Variants in PRKDC observed in about 807,000 individuals in gnomAD.
PRKDC encodes DNA-dependent protein kinase catalytic subunit.
In PRKDC, 82 loss-of-function variants were observed where a neutral mutation model predicts 486.9. That is an observed-to-expected ratio of 0.17 (90% confidence interval 0.14 to 0.20). The LOEUF (loss-of-function observed/expected upper bound fraction) is 0.20. Among genes scored for constraint, PRKDC ranks in the 10% least tolerant of loss-of-function variants. PRKDC has a pLI of 1.00. For missense variants in PRKDC, 4,504 were observed against 5,038.2 expected, an observed-to-expected ratio of 0.89 and a Z score of 3.21; for synonymous variants, 1,895 against 1,837.0, an observed-to-expected ratio of 1.03 and a Z score of -0.81.
intron 44 of PRKDC, among the ~76,000 whole-genome samples, chr8:47,861,320 T>C (rs2088672093): frequency 6.6e-6 from 1 of 152,238 alleles, no homozygotes; most frequent in South Asian, 2.1e-4. Context: ...ATCATAGTGC[T>C]TGTAATTGTT....
Position 47,943,358 on chromosome 8 carries a change from G to A in PRKDC, c.817C>T (p.Arg273Cys), listed in dbSNP as rs760500928. 1.9e-6 allele frequency: 3 copies of A among 1,599,942 alleles called. No individual in the cohort carries two copies. The highest frequency in any genetic ancestry group is 1.8e-5 in the Admixed American group (1 of 56,474). The change falls in exon 10 of 86, where the codon CGC becomes TGC. Residue 273 changes from arginine (R) to cysteine (C), a missense_variant. Physicochemically the swap from Arg to Cys is radical, Grantham distance 180. This residue lies in a region of PRKDC where 1,969 missense variants were observed against 2,068.9 expected (regional missense o/e 0.95). Coordinates refer to ENST00000314191, the MANE Select transcript of PRKDC (RefSeq NM_006904.7). The stretch of plus-strand genomic sequence containing the variant: ...TGAGATGCATGCAGGGCAAATAGGC[G>A]CAAGCCAGCTGCAAATGCAAATGCC... ...KRYAVPSAGL[R>C]LFALHASQFS...
intron 56 of PRKDC, among the ~76,000 whole-genome samples, chr8:47,838,033 G>A (rs1272588816): frequency 1.3e-5 from 2 of 152,144 alleles, no homozygotes; most frequent in Non-Finnish European, 2.9e-5. Context: ...CTACTCGGGA[G>A]GCTGAGGCAG....
chr8:47,782,288 C>T lies in PRKDC; in HGVS notation c.11397-34G>A, dbSNP rs1206299241. On this transcript the variant is annotated intron_variant, in intron 79 of 85. Coordinates refer to ENST00000314191, the MANE Select transcript of PRKDC (RefSeq NM_006904.7). The surrounding 1 kb of genome is among the most constrained non-coding windows in gnomAD (Gnocchi z 4.9). ...GAGAATAAAAGGTTAACGAGTAAAC[C>T]CAAACTGCTCTTTCTTCACTAGAAA... The T allele has an allele frequency of 6.2e-7, 1 of 1,611,784 alleles. No homozygotes were observed.
At chr8:47,775,328 T>G (rs1293096636) in intron 85 of PRKDC, among the ~76,000 whole-genome samples, 3 of 151,864 alleles carry the variant, frequency 2.0e-5, no homozygotes, top group Non-Finnish European at 4.4e-5. Flanking sequence ...ATTTGTATAT[T>G]TTCATTAAAG....
Position 47,782,320 on chromosome 8 carries a change from C to A in PRKDC, c.11396+58G>T. 1 of 1,610,870 alleles carries A rather than the reference C, an allele frequency of 6.2e-7. No individual in the cohort carries two copies. The highest frequency in any genetic ancestry group is 8.5e-7 in the Non-Finnish European group (1 of 1,177,682). The stretch of plus-strand genomic sequence containing the variant: ...GCTCTTTCTTCACTAGAAAAACAGT[C>A]CCGTGGACGCCAAGCAATATGCAGC... On this transcript the variant is annotated intron_variant, in intron 79 of 85. Coordinates refer to ENST00000314191, the MANE Select transcript of PRKDC (RefSeq NM_006904.7). This position sits in a 1 kb window ranked among gnomAD's most constrained non-coding sequence, Gnocchi z 4.9.
At chr8:47,862,917 A>C (rs1045874020) in intron 42 of PRKDC, among the ~76,000 whole-genome samples, 2 of 152,246 alleles carry the variant, frequency 1.3e-5, no homozygotes, top group African/African-American at 2.4e-5. Context: ...TGGTGATGCA[A>C]AATGTGATAC....
chr8:47,927,172 T>A, intron 21 of PRKDC, 22 bp downstream of exon 21: 1 of 1,606,858 alleles, frequency 6.2e-7, no homozygotes, highest in Non-Finnish European at 8.5e-7. Flanking sequence ...ACAATACACA[T>A]CACAATTCTT....
intron 78 of PRKDC, 122 bp downstream of exon 78, chr8:47,783,620 C>A: frequency 1.0e-6 from 1 of 958,280 alleles, no homozygotes; most frequent in East Asian, 2.6e-5. Context: ...AGTAAATATG[C>A]TAAACTTGAT....
chr8:47,826,658 A>G lies in PRKDC; in HGVS notation c.8781T>C (p.Ala2927=). 6.2e-7 allele frequency: 1 copy of G among 1,606,776 alleles called. No homozygotes were observed. The highest frequency in any genetic ancestry group is 8.5e-7 in the Non-Finnish European group (1 of 1,175,206). The part of the protein sequence containing the change: ...PPDVLRWVEL[A]KLYRSIGEYD... Reference sequence around the variant, plus strand: ...AGAGCACCTGACCTCACACTTACTTAGCAAGCTCCACCCATCTGAGGACAT... The same window carrying G: ...AGAGCACCTGACCTCACACTTACTTGGCAAGCTCCACCCATCTGAGGACAT... Residue 2927 remains alanine, a splice_region_variant and synonymous_variant, in exon 63 of 86, where the codon GCT becomes GCC. Transcript: ENST00000314191.
At chr8:47,858,790 A>G (rs530486596) in intron 47 of PRKDC, 59 bp downstream of exon 47, 224 of 1,548,516 alleles carry the variant, frequency 1.4e-4, no homozygotes, top group Non-Finnish European at 1.8e-4. Flanking sequence ...TTAAATGTTC[A>G]TTCTCAGTAT....
intron 65 of PRKDC, 57 bp downstream of exon 65, chr8:47,821,547 A>C: frequency 6.7e-7 from 1 of 1,498,600 alleles, no homozygotes; most frequent in Non-Finnish European, 9.1e-7. Context: ...AATTTTGTTA[A>C]GTAGAAAACA....
Position 47,803,445 on chromosome 8 carries a change from C to A in PRKDC, c.9783G>T (p.Glu3261Asp), listed in dbSNP as rs772972161. Residue 3261 changes from glutamate (E) to aspartate (D), a missense_variant, in exon 70 of 86, where the codon GAG becomes GAT. Glu to Asp is a conservative substitution (Grantham distance 45, BLOSUM62 2). Transcript: ENST00000314191. ...NFSLAMKLLK[E>D]LHKESKTRDD... ...CTCTGGTTTTTGACTCTTTATGCAGCTCCTTCAGTAGTTTCATAGCAAGTG... is the reference window on the plus strand; with the variant it reads ...CTCTGGTTTTTGACTCTTTATGCAGATCCTTCAGTAGTTTCATAGCAAGTG... 1.9e-6 allele frequency: 3 copies of A among 1,613,856 alleles called. No homozygotes were observed. The Admixed American group carries it at 5.0e-5, about 27-fold the overall frequency.
intron 72 of PRKDC, among the ~76,000 whole-genome samples, chr8:47,798,794 T>C (rs1014483342): frequency 6.6e-6 from 1 of 151,946 alleles, no homozygotes; most frequent in Non-Finnish European, 1.5e-5. Context: ...TCATGTTGCT[T>C]AGAGAGGCCA....
At chr8:47,940,715 C>T (rs926532208) in intron 10 of PRKDC, among the ~76,000 whole-genome samples, 2 of 152,154 alleles carry the variant, frequency 1.3e-5, no homozygotes. Flanking sequence ...ATGTTTTTAA[C>T]GCATCTTTAT....
In PRKDC at chr8:47,831,944, G is replaced by T. The variant is rs2087889833; in HGVS notation, c.8153-18C>A. ...GGCCGCACCTGGAGAGGGAAAGCAG[G>T]CCCAGTTACTCCCCGCCGCCCAGAC... is the stretch of plus-strand genomic sequence containing the variant. On this transcript the variant is annotated intron_variant, in intron 59 of 85. Coordinates refer to ENST00000314191, the MANE Select transcript of PRKDC (RefSeq NM_006904.7). 1 of 1,600,794 alleles carries T rather than the reference G, an allele frequency of 6.2e-7. No individual in the cohort carries two copies. The highest frequency in any genetic ancestry group is 1.7e-5 in the Admixed American group (1 of 59,622).
rs772212485 is a variant in PRKDC, at chr8:47,881,547, C to T, written c.4963-27G>A. The T allele has an allele frequency of 3.3e-6, 4 of 1,201,630 alleles. No homozygotes were observed. The South Asian group carries it at 4.3e-5, about 13-fold the overall frequency. 74.4% of individuals were successfully genotyped at this position (1,201,630 alleles called of 1,614,324 possible). On this transcript the variant is annotated intron_variant, in intron 37 of 85. Transcript: ENST00000314191. Reference sequence around the variant, plus strand: ...TAAAGGAAGGAAAAGAAAAACAGGACACATTTGTATATTACATCTCTATTT... The same window carrying T: ...TAAAGGAAGGAAAAGAAAAACAGGATACATTTGTATATTACATCTCTATTT...
At chr8:47,880,029 CAT>C (rs2089177930) in intron 38 of PRKDC, among the ~76,000 whole-genome samples, 2 of 151,734 alleles carry the variant, frequency 1.3e-5, no homozygotes, top group Admixed American at 1.3e-4. Flanking sequence ...TCATATTTTT[CAT>C]AGAGACGGGG....
At chr8:47,862,674 T>A (rs1017653535) in intron 42 of PRKDC, 133 bp from the exon 43 acceptor site, 9 of 768,920 alleles carry the variant, frequency 1.2e-5, no homozygotes, top group Admixed American at 9.7e-5. Context: ...GGCAGAGTAT[T>A]AGGCACTGGG....
intron 45 of PRKDC, 113 bp downstream of exon 45, chr8:47,860,786 A>T: frequency 2.7e-6 from 2 of 742,318 alleles, no homozygotes; most frequent in Middle Eastern, 2.4e-4. Flanking sequence ...GGGTACTTAA[A>T]GTATTTTCTA....
Sources: gnomAD v4.1 joint callset for allele counts (sites outside exome capture counted in the v4.1 genomes callset) on GRCh38, gnomAD v4.1.1 for gene constraint, gnomAD v4.1.1 regional missense constraint, Gnocchi (gnomAD v3.1) non-coding constraint, MANE v1.5 for transcripts, NCBI Gene and HGNC (gene_info 2026-07-23, HGNC 2026-07-21) for gene names.